FUT2: variants seen among roughly 807,000 people sequenced by gnomAD.
FUT2 encodes the protein galactoside alpha-(1,2)-fucosyltransferase 2.
For missense variants in FUT2, 419 were observed against 465.8 expected (o/e 0.90, Z 0.93); for synonymous variants, 182 against 193.1 (o/e 0.94, Z 0.48).
At position 48,704,432 on chromosome 19, in the gene FUT2, AAAAAAAAAAGAAAAG is replaced by A; in HGVS notation, c.*450_*464del. ...GCAAGACTCCATCTCAAAAAAAAAA[AAAAAAAAAAGAAAAG>A]AAAAAGAAATGAATGGGTTCAAAGA... is the stretch of plus-strand genomic sequence containing the variant. On this transcript the variant is annotated 3_prime_UTR_variant, in exon 2 of 2. Transcript: ENST00000425340. 1 of 120,902 alleles carries A rather than the reference AAAAAAAAAAGAAAAG, an allele frequency of 8.3e-6. No homozygotes were observed. Among genetic ancestry groups the A allele is most frequent in the Non-Finnish European group, 2.3e-5 (1 of 43,604 alleles). 7.5% of individuals were successfully genotyped at this position (120,902 alleles called of 1,614,324 possible). A position where few individuals can be genotyped will look rare whatever the true frequency, so the allele number is the denominator to read the frequency against.
At position 48,704,205 on chromosome 19, in the gene FUT2, T is replaced by C. The variant is rs2032591068; in HGVS notation, c.*217T>C. The stretch of plus-strand genomic sequence containing the variant: ...GTGAGGCCAGGGTGGGTGGATCACT[T>C]GAGGTCAGGAGTTCAAGACTAGCCT... On this transcript the variant is annotated 3_prime_UTR_variant, in exon 2 of 2. Transcript: ENST00000425340. 4 of 605,554 alleles carry C rather than the reference T, an allele frequency of 6.6e-6. No homozygotes were observed. The South Asian group carries it at 7.5e-5, about 11-fold the overall frequency. The allele number at this position is 605,554 out of a possible 1,614,324, so 37.5% of individuals were successfully genotyped here.
At chr19:48,700,350 G>A (rs1194117733) in intron 1 of FUT2, among the ~76,000 whole-genome samples, 4 of 148,404 alleles carry the variant, frequency 2.7e-5, no homozygotes, top group South Asian at 4.3e-4. Context: ...TTTTTGAGAC[G>A]GAGTCTCGCT....
At chr19:48,698,961 C>A (rs907398289) in intron 1 of FUT2, among the ~76,000 whole-genome samples, 5 of 151,906 alleles carry the variant, frequency 3.3e-5, no homozygotes, top group Admixed American at 2.0e-4. Flanking sequence ...CTTCCTCTGT[C>A]CCTTTTATCA....
rs546096176 is a variant in FUT2 at position 48,699,771 on chromosome 19, T to C, written c.-2-3184T>C. Among the ~76,000 whole-genome samples the C allele has an allele frequency of 2.4e-4, 36 of 152,180 alleles. No individual in the cohort carries two copies. In the South Asian group the frequency reaches 6.7e-3, roughly 28 times the overall value. On this transcript the variant is annotated intron_variant, in intron 1 of 1. Transcript: ENST00000425340. ...AGCTTGTGCACCTAGCCACTGGTGG[T>C]GATGTGTCTTTGAGTCATCGAGTCC...
At chr19:48,696,867 G>A (rs1275226693) in intron 1 of FUT2, among the ~76,000 whole-genome samples, 1 of 152,076 alleles carries the variant, frequency 6.6e-6, no homozygotes, top group East Asian at 2.0e-4. Flanking sequence ...GGTGAGCGGA[G>A]AGCTGGGTTA....
rs1473751329 is a variant in FUT2, at chr19:48,696,016, A to G, written c.-76A>G. On this transcript the variant is annotated 5_prime_UTR_variant, in exon 1 of 2. Transcript: ENST00000425340. Reference sequence around the variant, plus strand: ...TTTCTTTGGCCCTGAGTGAAGAGAGACCCAGAGGGAACACTGAGGTGCCTG... The same window carrying G: ...TTTCTTTGGCCCTGAGTGAAGAGAGGCCCAGAGGGAACACTGAGGTGCCTG... 1.3e-5 allele frequency: 2 copies of G among 152,276 alleles called. No individual in the cohort carries two copies. Among genetic ancestry groups the G allele is most frequent in the Non-Finnish European group, 2.9e-5 (2 of 68,144 alleles). The allele number at this position is 152,276 out of a possible 1,614,324, so 9.4% of individuals were successfully genotyped here. A position where few individuals can be genotyped will look rare whatever the true frequency, so the allele number is the denominator to read the frequency against.
intron 1 of FUT2, among the ~76,000 whole-genome samples, chr19:48,700,366 T>G (rs947623716): frequency 2.0e-5 from 3 of 151,074 alleles, no homozygotes; most frequent in East Asian, 2.0e-4. Flanking sequence ...TCGCTCTGTC[T>G]CCCAGGCTGG....
At chr19:48,702,036 T>G (rs1338412102) in intron 1 of FUT2, among the ~76,000 whole-genome samples, 1 of 151,906 alleles carries the variant, frequency 6.6e-6, no homozygotes, top group Non-Finnish European at 1.5e-5. Flanking sequence ...AAATAATAGC[T>G]ACATATACTT....
Position 48,698,982 on chromosome 19 carries a change from T to TTCCC in FUT2, c.-3+2911_-3+2914dup, listed in dbSNP as rs1196840864. Among the ~76,000 whole-genome samples, 41 of 151,164 alleles carry TTCCC rather than the reference T, an allele frequency of 2.7e-4. 1 individual carries two copies. The highest frequency in any genetic ancestry group is 3.4e-3 in the Middle Eastern group (1 of 294). On this transcript the variant is annotated intron_variant, in intron 1 of 1. Coordinates refer to ENST00000425340, the MANE Select transcript of FUT2 (RefSeq NM_000511.6). ...CTGTCCCTTTTATCATCTCTGTCCCTTCCCTCCCTCCCTCCCTCCCTTCCT... is the reference window on the plus strand; with the variant it reads ...CTGTCCCTTTTATCATCTCTGTCCCTTCCCTCCCTCCCTCCCTCCCTCCCTTCCT...
In FUT2 at chr19:48,705,106, CTTTTCTTTT is replaced by C. The variant is rs2032614913; in HGVS notation, c.*1123_*1131del. The C allele has an allele frequency of 4.3e-3, 807 of 188,988 alleles. 93 individuals carry two copies. Among genetic ancestry groups the C allele is most frequent in the African/African-American group, 0.023 (698 of 29,934 alleles). 11.7% of individuals were successfully genotyped at this position (188,988 alleles called of 1,614,324 possible). Reference sequence around the variant, plus strand: ...GAGCTCACTGTTTTCTTTTCTTTTTCTTTTCTTTTTTTTTTTTTTTTTGAGATGGAGTCT... The same window carrying C: ...GAGCTCACTGTTTTCTTTTCTTTTTCTTTTTTTTTTTTTGAGATGGAGTCT... On this transcript the variant is annotated 3_prime_UTR_variant, in exon 2 of 2. Transcript: ENST00000425340.
chr19:48,703,707 G>A lies in FUT2; in HGVS notation c.751G>A (p.Glu251Lys), dbSNP rs780582726. 1.1e-5 allele frequency: 18 copies of A among 1,613,658 alleles called. 1 individual carries two copies. In the South Asian group the frequency reaches 1.8e-4, roughly 16 times the overall value. ...VTSNGMAWCRENIDTSHGDVV... is the reference protein window; with the variant it reads ...VTSNGMAWCRKNIDTSHGDVV... ...CAGTAATGGCATGGCCTGGTGTCGG[G>A]AGAACATTGACACCTCCCACGGTGA... Residue 251 changes from glutamate (E) to lysine (K), a missense_variant, in exon 2 of 2, where the codon GAG becomes AAG. By Grantham distance (56) the Glu-to-Lys change is moderately conservative. Transcript: ENST00000425340.
intron 1 of FUT2, among the ~76,000 whole-genome samples, chr19:48,698,214 G>A (rs1383779073): frequency 6.6e-6 from 1 of 151,898 alleles, no homozygotes; most frequent in Non-Finnish European, 1.5e-5. Context: ...ATCATGCCGT[G>A]CAGGGCATCT....
At chr19:48,699,000 CCCTT>C (rs79130887) in intron 1 of FUT2, among the ~76,000 whole-genome samples, 112 of 146,538 alleles carry the variant, frequency 7.6e-4, no homozygotes, top group African/African-American at 2.0e-3. Flanking sequence ...CTCCCTCCCT[CCCTT>C]CCTTCCTTCC....
Position 48,703,531 on chromosome 19 carries a change from C to T in FUT2, c.575C>T (p.Pro192Leu), listed in dbSNP as rs138954645. 6.2e-6 allele frequency: 10 copies of T among 1,613,194 alleles called. No individual in the cohort carries two copies. The highest frequency in any genetic ancestry group is 3.3e-4 in the Middle Eastern group (2 of 6,062). Residue 192 changes from proline (P) to leucine (L), a missense_variant, in exon 2 of 2, where the codon CCG becomes CTG. Transcript: ENST00000425340. Reference protein sequence around the residue: ...LRGLQVNGSRPGTFVGVHVRR... With the variant: ...LRGLQVNGSRLGTFVGVHVRR... ...GGCCTGCAGGTGAACGGGAGCCGGC[C>T]GGGCACCTTTGTAGGGGTCCATGTT...
rs1800027 is a variant in FUT2 at position 48,703,469 on chromosome 19, C to T, written c.513C>T (p.His171=). The change falls in exon 2 of 2, where the codon CAC becomes CAT. Residue 171 remains histidine (H), a synonymous_variant. Coordinates refer to ENST00000425340, the MANE Select transcript of FUT2 (RefSeq NM_000511.6). Reference sequence around the variant, plus strand: ...AGATCCTCCAGGAGTTCACCCTGCACGACCACGTGCGGGAGGAGGCCCAGA... The same window carrying T: ...AGATCCTCCAGGAGTTCACCCTGCATGACCACGTGCGGGAGGAGGCCCAGA... The part of the protein sequence containing the change: ...RQEILQEFTL[H]DHVREEAQKF... The T allele has an allele frequency of 0.065, 105,518 of 1,612,892 alleles. 4,130 individuals carry two copies. The highest frequency in any genetic ancestry group is 0.1 in the Middle Eastern group (611 of 6,062).
Position 48,703,812 on chromosome 19 carries a change from A to G in FUT2, c.856A>G (p.Met286Val), listed in dbSNP as rs2032579405. 2 of 1,613,590 alleles carry G rather than the reference A, an allele frequency of 1.2e-6. No individual in the cohort carries two copies. The highest frequency in any genetic ancestry group is 1.7e-6 in the Non-Finnish European group (2 of 1,180,018). Residue 286 changes from methionine to valine, a missense_variant, in exon 2 of 2, where the codon ATG (methionine) becomes GTG (valine). Physicochemically the swap from Met to Val is conservative, Grantham distance 21. Coordinates refer to ENST00000425340, the MANE Select transcript of FUT2 (RefSeq NM_000511.6). ...ALLTQCNHTI[M>V]TIGTFGIWAA... ...ACTCACACAGTGTAACCACACCATC[A>G]TGACCATTGGGACGTTCGGGATCTG...
In FUT2 at chr19:48,704,027, C is replaced by T. The variant is rs1329759439; in HGVS notation, c.*39C>T. Reference sequence around the variant, plus strand: ...TTTGAGACCTTTTCTCCTTCTCTGCCTCCCTCAAGATGAGTGCCCGGGCAT... The same window carrying T: ...TTTGAGACCTTTTCTCCTTCTCTGCTTCCCTCAAGATGAGTGCCCGGGCAT... On this transcript the variant is annotated 3_prime_UTR_variant, in exon 2 of 2. Coordinates refer to ENST00000425340, the MANE Select transcript of FUT2 (RefSeq NM_000511.6). 1 of 1,584,084 alleles carries T rather than the reference C, an allele frequency of 6.3e-7. No homozygotes were observed.
In FUT2 at chr19:48,705,119, T is replaced by TTTTTTTTC. The variant is rs2032617048; in HGVS notation, c.*1138_*1139insCTTTTTTT. On this transcript the variant is annotated 3_prime_UTR_variant, in exon 2 of 2. Transcript: ENST00000425340. Reference sequence around the variant, plus strand: ...TCTTTTCTTTTTCTTTTCTTTTTTTTTTTTTTTTTGAGATGGAGTCTTGCT... The same window carrying TTTTTTTTC: ...TCTTTTCTTTTTCTTTTCTTTTTTTTTTTTTTTCTTTTTTTTTGAGATGGAGTCTTGCT... 1 of 233,324 alleles carries TTTTTTTTC rather than the reference T, an allele frequency of 4.3e-6. No homozygotes were observed. The highest frequency in any genetic ancestry group is 8.4e-6 in the Non-Finnish European group (1 of 119,414). 14.5% of individuals were successfully genotyped at this position (233,324 alleles called of 1,614,324 possible). A position where few individuals can be genotyped will look rare whatever the true frequency, so the allele number is the denominator to read the frequency against.
At position 48,703,948 on chromosome 19, in the gene FUT2, C is replaced by G. The variant is rs371234860; in HGVS notation, c.992C>G (p.Thr331Arg). ...KPEAAFLPEW[T>R]GIAADLSPLL... is the part of the protein sequence containing the mutation. The stretch of plus-strand genomic sequence containing the variant: ...GAGGCAGCCTTCCTGCCGGAGTGGA[C>G]AGGGATTGCCGCAGACCTGTCCCCC... The change falls in exon 2 of 2, where the codon ACA becomes AGA. Residue 331 changes from threonine (T) to arginine (R), a missense_variant. Thr to Arg is a moderately conservative substitution (Grantham distance 71, BLOSUM62 -1). Transcript: ENST00000425340. The G allele has an allele frequency of 1.2e-6, 2 of 1,613,524 alleles. No homozygotes were observed. Among genetic ancestry groups the G allele is most frequent in the Admixed American group, 1.7e-5 (1 of 60,004 alleles).
Sources: gnomAD v4.1 joint callset for allele counts (sites outside exome capture counted in the v4.1 genomes callset) on GRCh38, gnomAD v4.1.1 for gene constraint, MANE v1.5 for transcripts, NCBI Gene and HGNC (gene_info 2026-07-23, HGNC 2026-07-21) for gene names.